SNRNP200: variants seen among roughly 807,000 people sequenced by gnomAD.
SNRNP200 encodes the protein small nuclear ribonucleoprotein U5 subunit 200.
In SNRNP200, 66 loss-of-function variants were observed where a neutral mutation model predicts 255.2. That is an observed-to-expected ratio of 0.26 (90% CI 0.21 to 0.32). SNRNP200 has a LOEUF of 0.32. Ranked by LOEUF, SNRNP200 falls within the 10% of genes least tolerant of loss-of-function variation. The pLI is 1.00. For synonymous variants in SNRNP200, 939 were observed against 1,027.8 expected (o/e 0.91, Z 1.65); for missense variants, 1,585 against 2,749.8 (o/e 0.58, Z 9.47).
rs2063923316 is a variant in SNRNP200, at chr2:96,297,345, A to G, written c.1377+18T>C. 1 of 1,612,778 alleles carries G rather than the reference A, an allele frequency of 6.2e-7. No individual in the cohort carries two copies. The highest frequency in any genetic ancestry group is 8.5e-7 in the Non-Finnish European group (1 of 1,179,920). On this transcript the variant is annotated intron_variant, in intron 11 of 44. Transcript: ENST00000323853. Reference sequence around the variant, plus strand: ...GGAGGTGAACTGAGCAGAGAACTGAAGAAAGCAATTCACTTACTTCTTCTG... The same window carrying G: ...GGAGGTGAACTGAGCAGAGAACTGAGGAAAGCAATTCACTTACTTCTTCTG...
In SNRNP200 at chr2:96,283,689, T is replaced by C. The variant is rs1005114203; in HGVS notation, c.4609A>G (p.Thr1537Ala). 6.2e-7 allele frequency: 1 copy of C among 1,612,968 alleles called. No individual in the cohort carries two copies. Among genetic ancestry groups the C allele is most frequent in the South Asian group, 1.1e-5 (1 of 91,016 alleles). Residue 1537 changes from threonine to alanine, a missense_variant, in exon 33 of 45, where the codon ACC becomes GCC. Physicochemically the swap from Thr to Ala is moderately conservative, Grantham distance 58. This residue lies in a region of SNRNP200 where 719 missense variants were observed against 1,091.1 expected (regional missense o/e 0.66). Coordinates refer to ENST00000323853, the MANE Select transcript of SNRNP200 (RefSeq NM_014014.5). This position sits in a 1 kb window ranked among gnomAD's most constrained non-coding sequence, Gnocchi z 4.7. ...IQGFNISHTQ[T>A]RLLSMAKPVY... The stretch of plus-strand genomic sequence containing the variant: ...GGCTTGGCCATGGAGAGCAGGCGGG[T>C]TTGTGTATGGCTGATGTTGAAGCCC...
chr2:96,303,836 G>A (rs910904312), intron 2 of SNRNP200, among the ~76,000 whole-genome samples: 1 of 148,738 alleles, frequency 6.7e-6, no homozygotes, highest in Non-Finnish European at 1.5e-5. Flanking sequence ...GTTGCCGTGA[G>A]AGAGATCACG....
intron 43 of SNRNP200, chr2:96,276,613 G>T: frequency 2.5e-6 from 1 of 402,412 alleles, no homozygotes. Context: ...GTAGAGACGG[G>T]GTTTCACTAT....
chr2:96,300,700 C>A (rs2063946856), intron 5 of SNRNP200, among the ~76,000 whole-genome samples: 1 of 151,776 alleles, frequency 6.6e-6, no homozygotes, highest in Non-Finnish European at 1.5e-5. Context: ...GGAGGCAGAG[C>A]TTGCAGTGAG....
At chr2:96,294,564 TG>T (rs2063905342) in intron 14 of SNRNP200, among the ~76,000 whole-genome samples, 1 of 152,256 alleles carries the variant, frequency 6.6e-6, no homozygotes, top group Non-Finnish European at 1.5e-5. Context: ...GGTGTAACTA[TG>T]TTCCAACAGA....
In SNRNP200 at chr2:96,296,518, A is replaced by C. The variant is rs55658279; in HGVS notation, c.1671+18T>G. ...AGGTGCACCCAGTATCCTCTGCAGG[A>C]AAGTTCTACTCCCTCACCTTTCCAA... On this transcript the variant is annotated intron_variant, in intron 13 of 44. Coordinates refer to ENST00000323853, the MANE Select transcript of SNRNP200 (RefSeq NM_014014.5). The C allele has an allele frequency of 3.0e-5, 48 of 1,613,624 alleles. No homozygotes were observed. Among genetic ancestry groups the C allele is most frequent in the Non-Finnish European group, 3.6e-5 (43 of 1,179,842 alleles).
At position 96,279,492 on chromosome 2, in the gene SNRNP200, C is replaced by T. The variant is rs745357955; in HGVS notation, c.5092G>A (p.Asp1698Asn). ...VGHANRPLQD[D>N]EGRCVIMCQG... ...CACATGATGACACAGCGCCCCTCATCGTCCTGCAAAGGGCGGTTGGCGTGG... is the reference window on the plus strand; with the variant it reads ...CACATGATGACACAGCGCCCCTCATTGTCCTGCAAAGGGCGGTTGGCGTGG... Residue 1698 changes from aspartate (D) to asparagine (N), a missense_variant, in exon 36 of 45, where the codon GAT becomes AAT. Coordinates refer to ENST00000323853, the MANE Select transcript of SNRNP200 (RefSeq NM_014014.5). The T allele has an allele frequency of 1.2e-6, 2 of 1,614,116 alleles. No individual in the cohort carries two copies. The highest frequency in any genetic ancestry group is 1.7e-5 in the Admixed American group (1 of 60,020).
intron 6 of SNRNP200, 93 bp from the exon 7 acceptor site, chr2:96,299,060 A>C: frequency 1.3e-6 from 2 of 1,513,844 alleles, no homozygotes; most frequent in East Asian, 2.3e-5. Context: ...TTGACAATCC[A>C]TAGCCCACCT....
At chr2:96,285,412 T>C (rs1377030783) in intron 29 of SNRNP200, 72 bp from the exon 30 acceptor site, 1 of 1,537,802 alleles carries the variant, frequency 6.5e-7, no homozygotes, top group Non-Finnish European at 9.0e-7. Context: ...ATGGATCAAT[T>C]GTCAAAACAA....
chr2:96,278,173 GCTCTGGGCAC>G lies in SNRNP200; in HGVS notation c.5610+54_5610+63del, dbSNP rs748853214. Reference sequence around the variant, plus strand: ...CGTGTTGGTGGCAGGGATGCCATGTGCTCTGGGCACACAGGCCGAGTTTGTTGTTCCCAGG... The same window carrying G: ...CGTGTTGGTGGCAGGGATGCCATGTGACAGGCCGAGTTTGTTGTTCCCAGG... On this transcript the variant is annotated intron_variant, in intron 39 of 44. Coordinates refer to ENST00000323853, the MANE Select transcript of SNRNP200 (RefSeq NM_014014.5). The surrounding 1 kb of genome is among the most constrained non-coding windows in gnomAD (Gnocchi z 6.9). 84 of 1,612,364 alleles carry G rather than the reference GCTCTGGGCAC, an allele frequency of 5.2e-5. No homozygotes were observed. Among genetic ancestry groups the G allele is most frequent in the South Asian group, 8.8e-5 (8 of 90,766 alleles).
In SNRNP200 at chr2:96,278,603, G is replaced by A. The variant is rs199511035; in HGVS notation, c.5432C>T (p.Ala1811Val). 4.7e-5 allele frequency: 76 copies of A among 1,614,068 alleles called. No individual in the cohort carries two copies. The Middle Eastern group carries it at 6.6e-4, about 14-fold the overall frequency. ...CISIEDEMDV[A>V]PLNLGMIAAY... ...GGCGATCATGCCTAGGTTCAGAGGC[G>A]CCACGTCCATCTCGTCCTCGATGCT... The change falls in exon 38 of 45, where the codon GCG becomes GTG. Residue 1811 changes from alanine (A) to valine (V), a missense_variant. By Grantham distance (64) the Ala-to-Val change is moderately conservative. This residue lies in a region of SNRNP200 where 279 missense variants were observed against 551.2 expected (regional missense o/e 0.51). Transcript: ENST00000323853. This position sits in a 1 kb window ranked among gnomAD's most constrained non-coding sequence, Gnocchi z 6.9.
At chr2:96,300,854 A>T in intron 5 of SNRNP200, 144 bp downstream of exon 5, 3 of 696,394 alleles carry the variant, frequency 4.3e-6, no homozygotes, top group Non-Finnish European at 5.2e-6. Context: ...TAAGCAAAAG[A>T]ACATATAATG....
chr2:96,276,830 G>A, intron 43 of SNRNP200, 74 bp downstream of exon 43: 3 of 1,332,676 alleles, frequency 2.3e-6, no homozygotes, highest in African/African-American at 2.9e-5. Context: ...CAGGGACAGT[G>A]TGCCCTTGTA....
chr2:96,277,374 A>G lies in SNRNP200; in HGVS notation c.5932-133T>C, dbSNP rs1638664709. ...GATAAAACAGCTGCAGAAAGAACAC[A>G]GCCCACAGTTGGCAGGCTCTCTAGC... On this transcript the variant is annotated intron_variant, in intron 41 of 44. Transcript: ENST00000323853. The surrounding 1 kb of genome is among the most constrained non-coding windows in gnomAD (Gnocchi z 4.4). 1 of 1,274,826 alleles carries G rather than the reference A, an allele frequency of 7.8e-7. No homozygotes were observed. The highest frequency in any genetic ancestry group is 1.5e-5 in the African/African-American group (1 of 68,300). 79.0% of individuals were successfully genotyped at this position (1,274,826 alleles called of 1,614,324 possible). A position where few individuals can be genotyped will look rare whatever the true frequency, so the allele number is the denominator to read the frequency against.
intron 43 of SNRNP200, among the ~76,000 whole-genome samples, chr2:96,275,739 A>G (rs1202553432): frequency 6.6e-6 from 1 of 152,242 alleles, no homozygotes; most frequent in Non-Finnish European, 1.5e-5. Flanking sequence ...GCGGTGGCTC[A>G]CGCCTGTAAT....
chr2:96,295,577 T>C lies in SNRNP200; in HGVS notation c.1753A>G (p.Ile585Val), dbSNP rs533005031. Residue 585 changes from isoleucine to valine, a missense_variant, in exon 14 of 45, where the codon ATC becomes GTC. Around this residue, in one of 9 missense-constraint regions of SNRNP200, gnomAD observed 56 missense variants for 77.4 expected, o/e 0.72. Transcript: ENST00000323853. Reference protein sequence around the residue: ...LCKEEISATQIIVCTPEKWDI... With the variant: ...LCKEEISATQVIVCTPEKWDI... The stretch of plus-strand genomic sequence containing the variant: ...CACTTCTCGGGGGTGCAGACGATGA[T>C]CTGAGTGGCACTGATCTCTTCTTTG... The C allele has an allele frequency of 3.7e-6, 6 of 1,614,010 alleles. No individual in the cohort carries two copies. The African/African-American group carries it at 6.7e-5, about 18-fold the overall frequency.
chr2:96,279,647 T>G, intron 35 of SNRNP200, 88 bp from the exon 36 acceptor site: 1 of 790,894 alleles, frequency 1.3e-6, no homozygotes, highest in Non-Finnish European at 2.2e-6. Flanking sequence ...CAAGTAAGAG[T>G]AAAATGTTAA....
Position 96,284,341 on chromosome 2 carries a change from G to T in SNRNP200, c.4392+17C>A. On this transcript the variant is annotated intron_variant, in intron 31 of 44. Transcript: ENST00000323853. ...TCAGTCCCAGTCCCTCATCTGTGCT[G>T]CAAGGTCACGCCATACCCCATTCTC... 3 of 1,604,072 alleles carry T rather than the reference G, an allele frequency of 1.9e-6. No individual in the cohort carries two copies. The highest frequency in any genetic ancestry group is 2.6e-6 in the Non-Finnish European group (3 of 1,171,146).
intron 6 of SNRNP200, 35 bp downstream of exon 6, chr2:96,299,294 C>T (rs374665742): frequency 2.1e-5 from 33 of 1,585,676 alleles, no homozygotes; most frequent in Non-Finnish European, 2.7e-5. Context: ...CCAGAAGTAA[C>T]CTTGTAGCAA....
Sources: allele counts gnomAD v4.1 joint callset (sites outside exome capture counted in the v4.1 genomes callset), GRCh38; gene constraint gnomAD v4.1.1; regional missense constraint gnomAD v4.1.1; non-coding constraint Gnocchi (gnomAD v3.1); transcripts MANE v1.5; gene names NCBI Gene and HGNC (gene_info 2026-07-23, HGNC 2026-07-21).